PPP1R21: variants seen among roughly 807,000 people sequenced by gnomAD.
The protein encoded by PPP1R21 is protein phosphatase 1 regulatory subunit 21.
PPP1R21 carries 85 observed loss-of-function variants against 112.8 expected under a neutral mutation model. The ratio of observed to expected loss-of-function variants is 0.75; its 90% CI spans 0.63 to 0.90. PPP1R21 has a LOEUF of 0.90. Ranked by LOEUF, PPP1R21 falls within the 40% of genes least tolerant of loss-of-function variation. PPP1R21 has a pLI of 0.00. For missense variants in PPP1R21, 1,199 were observed against 901.5 expected (o/e 1.33, Z -4.23); for synonymous variants, 381 against 322.3 (o/e 1.18, Z -1.95).
intron 16 of PPP1R21, among the ~76,000 whole-genome samples, chr2:48,498,276 G>GTT (rs200883214): frequency 6.2e-4 from 92 of 148,206 alleles, no homozygotes; most frequent in Non-Finnish European, 7.0e-4. Flanking sequence ...AATGAGTAGA[G>GTT]TTTTTTTTTT....
chr2:48,446,697 C>T (rs1667263011), intron 1 of PPP1R21, among the ~76,000 whole-genome samples: 1 of 152,110 alleles, frequency 6.6e-6, no homozygotes, highest in Non-Finnish European at 1.5e-5. Flanking sequence ...AGGAAGTATA[C>T]TGTAGTCTTT....
At chr2:48,503,907 C>T (rs944664833) in intron 17 of PPP1R21, among the ~76,000 whole-genome samples, 20 of 149,286 alleles carry the variant, frequency 1.3e-4, no homozygotes, top group African/African-American at 4.2e-4. Context: ...GAGTCAGGAT[C>T]GCACCATTGC....
chr2:48,450,725 T>A (rs909363036), intron 1 of PPP1R21, among the ~76,000 whole-genome samples: 4 of 152,126 alleles, frequency 2.6e-5, no homozygotes, highest in Non-Finnish European at 4.4e-5. Context: ...ATAGAAAGAG[T>A]GACACACTAG....
At chr2:48,468,132 C>T (rs895372425) in intron 9 of PPP1R21, among the ~76,000 whole-genome samples, 2 of 152,200 alleles carry the variant, frequency 1.3e-5, no homozygotes, top group South Asian at 2.1e-4. Context: ...TATACTTACT[C>T]TCTCTGCGCT....
chr2:48,485,852 GTTGTATATATTAACTAATATATACAA>G (rs869193001), intron 13 of PPP1R21, among the ~76,000 whole-genome samples: 21 of 145,628 alleles, frequency 1.4e-4, no homozygotes, highest in South Asian at 4.3e-4. Context: ...CATATATATA[GTTGTATATATTAACTAATATATACAA>G]TTGTATATAC....
intron 17 of PPP1R21, among the ~76,000 whole-genome samples, chr2:48,499,645 C>T (rs995316860): frequency 2.6e-5 from 4 of 152,126 alleles, no homozygotes; most frequent in Non-Finnish European, 4.4e-5. Flanking sequence ...TGATCTATTC[C>T]TAGAGAGTGT....
intron 3 of PPP1R21, among the ~76,000 whole-genome samples, chr2:48,455,797 G>A (rs766958805): frequency 1.3e-5 from 2 of 152,008 alleles, no homozygotes; most frequent in South Asian, 2.1e-4. Flanking sequence ...GGCAGATCAC[G>A]AGGTCAGGAG....
intron 1 of PPP1R21, among the ~76,000 whole-genome samples, chr2:48,447,949 C>G (rs891602937): frequency 1.3e-5 from 2 of 150,066 alleles, no homozygotes; most frequent in Non-Finnish European, 3.0e-5. Context: ...GACTCAGTCT[C>G]AAAATAAATA....
At chr2:48,470,520 A>AG (rs1491503815) in intron 9 of PPP1R21, among the ~76,000 whole-genome samples, 2 of 111,540 alleles carry the variant, frequency 1.8e-5, no homozygotes, top group African/African-American at 6.8e-5. Context: ...ACTCTGTCTC[A>AG]AAAAAAAAAA....
chr2:48,474,909 G>C (rs1020613951), intron 12 of PPP1R21, 90 bp downstream of exon 12: 1 of 1,105,430 alleles, frequency 9.0e-7, no homozygotes, highest in African/African-American at 1.6e-5. Flanking sequence ...AGTAGAGTGA[G>C]AGGAGCATAG....
intron 13 of PPP1R21, among the ~76,000 whole-genome samples, chr2:48,480,722 G>T (rs1469107058): frequency 6.6e-6 from 1 of 152,056 alleles, no homozygotes. Flanking sequence ...ACGGGCAGGA[G>T]CAATCTATTA....
intron 15 of PPP1R21, among the ~76,000 whole-genome samples, chr2:48,493,827 C>T (rs1427056618): frequency 1.3e-5 from 2 of 151,956 alleles, no homozygotes; most frequent in African/African-American, 2.4e-5. Context: ...TTCTGTTCTT[C>T]ATCTATTTTG....
At position 48,514,795 on chromosome 2, in the gene PPP1R21, A is replaced by G. The variant is rs774146687; in HGVS notation, c.*51A>G. On this transcript the variant is annotated 3_prime_UTR_variant, in exon 22 of 22. Coordinates refer to ENST00000294952, the MANE Select transcript of PPP1R21 (RefSeq NM_001135629.3). ...TTCTTTCCAGACCTGCTCCTGCTGC[A>G]CAGAGCCGCAGGGCTGAGACCACGT... is the stretch of plus-strand genomic sequence containing the variant. 1.9e-6 allele frequency: 3 copies of G among 1,601,460 alleles called. No homozygotes were observed. The highest frequency in any genetic ancestry group is 2.6e-6 in the Non-Finnish European group (3 of 1,169,776).
chr2:48,446,029 C>G (rs113827474), intron 1 of PPP1R21, among the ~76,000 whole-genome samples: 78 of 152,006 alleles, frequency 5.1e-4, no homozygotes, highest in Non-Finnish European at 1.8e-4. Context: ...GTCTTGCACA[C>G]GTCACTTTGT....
intron 11 of PPP1R21, 62 bp downstream of exon 11, chr2:48,471,429 G>A (rs1443110800): frequency 1.3e-5 from 19 of 1,468,800 alleles, no homozygotes; most frequent in East Asian, 2.3e-5. Flanking sequence ...TCTGGCTGGC[G>A]TTAATAAAAT....
chr2:48,471,203 T>C lies in PPP1R21; in HGVS notation c.999+15T>C, dbSNP rs373856397. On this transcript the variant is annotated intron_variant, in intron 10 of 21. Transcript: ENST00000294952. ...TGACTGTCTTGGTAATTTTCTTCCTTGTTTTACTTCTGGAAACTGGGAGCT... is the reference window on the plus strand; with the variant it reads ...TGACTGTCTTGGTAATTTTCTTCCTCGTTTTACTTCTGGAAACTGGGAGCT... 7.4e-5 allele frequency: 119 copies of C among 1,607,218 alleles called. No homozygotes were observed. The highest frequency in any genetic ancestry group is 1.0e-4 in the Admixed American group (6 of 59,900).
intron 9 of PPP1R21, among the ~76,000 whole-genome samples, chr2:48,468,079 C>G (rs915352158): frequency 9.9e-5 from 15 of 152,190 alleles, no homozygotes; most frequent in African/African-American, 3.4e-4. Flanking sequence ...CCTGGGTTCC[C>G]AGTCCATTTC....
In PPP1R21 at chr2:48,494,008, G is replaced by A. The variant is rs1669690121; in HGVS notation, c.1600-1671G>A. 2.1e-5 allele frequency among the ~76,000 whole-genome samples: 3 copies of A among 143,114 alleles called. No homozygotes were observed. The South Asian group carries it at 6.5e-4, about 31-fold the overall frequency. The allele number at this position is 143,114 out of a possible 152,430, so 93.9% of individuals were successfully genotyped here. A position where few individuals can be genotyped will look rare whatever the true frequency, so the allele number is the denominator to read the frequency against. ...ATGCCAGGGTGGGAGGATCACTTGA[G>A]TCCAGGAGTTCGAGATCAGCCTGGG... On this transcript the variant is annotated intron_variant, in intron 15 of 21. Coordinates refer to ENST00000294952, the MANE Select transcript of PPP1R21 (RefSeq NM_001135629.3).
At chr2:48,464,820 A>G in intron 7 of PPP1R21, 117 bp from the exon 8 acceptor site, 1 of 670,516 alleles carries the variant, frequency 1.5e-6, no homozygotes, top group Non-Finnish European at 2.5e-6. Context: ...ATTGTTGATC[A>G]TTTTAAATTC....
Sources: gnomAD v4.1 joint callset for allele counts (sites outside exome capture counted in the v4.1 genomes callset) on GRCh38, gnomAD v4.1.1 for gene constraint, MANE v1.5 for transcripts, NCBI Gene and HGNC (gene_info 2026-07-23, HGNC 2026-07-21) for gene names.